The following JAKMIP1 variants were observed in gnomAD, a reference collection of about 807,000 sequenced individuals.
JAKMIP1 encodes janus kinase and microtubule interacting protein 1.
In JAKMIP1, 33 loss-of-function variants were observed where a neutral mutation model predicts 113.0. That is an observed-to-expected ratio of 0.29 (90% CI 0.22 to 0.39). JAKMIP1 has a LOEUF of 0.39. Ranked by LOEUF, JAKMIP1 falls within the 10% of genes least tolerant of loss-of-function variation. The pLI is 1.00. For synonymous variants in JAKMIP1, 480 were observed against 459.9 expected (o/e 1.04, Z -0.56); for missense variants, 813 against 1,080.5 (o/e 0.75, Z 3.47).
rs570283889 is a variant in JAKMIP1, at chr4:6,105,544, C to A, written c.553G>T (p.Ala185Ser). The A allele has an allele frequency of 3.7e-6, 6 of 1,606,204 alleles. No individual in the cohort carries two copies. The East Asian group carries it at 1.3e-4, about 36-fold the overall frequency. The change falls in exon 3 of 21, where the codon GCC (alanine) becomes TCC (serine). Residue 185 changes from alanine to serine, a missense_variant. Transcript: ENST00000409021. ...TCGTCTTGGTGCGCCTGGTAGGCGG[C>A]ACGCAGGTCGGCTGCCTTGGTCTTG... ...ADKTKAADLR[A>S]AYQAHQDEVH...
rs904469758 is a variant in JAKMIP1, at chr4:6,108,901, T to C, written c.130-2934A>G. On this transcript the variant is annotated intron_variant, in intron 2 of 20. Transcript: ENST00000409021. This position sits in a 1 kb window ranked among gnomAD's most constrained non-coding sequence, Gnocchi z 5.6. Reference sequence around the variant, plus strand: ...GATATAGATGTCATATATGGAAATATTTACAGGTATGCGTACATACGCAGG... The same window carrying C: ...GATATAGATGTCATATATGGAAATACTTACAGGTATGCGTACATACGCAGG... 3.9e-5 allele frequency among the ~76,000 whole-genome samples: 6 copies of C among 152,236 alleles called. No homozygotes were observed. The highest frequency in any genetic ancestry group is 1.3e-4 in the Admixed American group (2 of 15,288).
chr4:6,150,844 G>A lies in JAKMIP1; in HGVS notation c.-147-37847C>T, dbSNP rs1412677080. ...CAAGCTCCTCCACTTGAGCAAGACA[G>A]TAATAATGTCTGCCACCGGAAGACA... On this transcript the variant is annotated intron_variant, in intron 1 of 20. Transcript: ENST00000409021. This position sits in a 1 kb window ranked among gnomAD's most constrained non-coding sequence, Gnocchi z 4.8. Among the ~76,000 whole-genome samples the A allele has an allele frequency of 6.6e-6, 1 of 152,198 alleles. No individual in the cohort carries two copies. The highest frequency in any genetic ancestry group is 1.5e-5 in the Non-Finnish European group (1 of 68,040).
At chr4:6,164,959 G>T (rs953459574) in intron 1 of JAKMIP1, among the ~76,000 whole-genome samples, 2 of 152,198 alleles carry the variant, frequency 1.3e-5, no homozygotes, top group African/African-American at 2.4e-5. Flanking sequence ...TGACAGCAAA[G>T]AATTTAAAGT....
At chr4:6,079,772 T>C (rs1326799470) in intron 7 of JAKMIP1, among the ~76,000 whole-genome samples, 1 of 152,148 alleles carries the variant, frequency 6.6e-6, no homozygotes, top group Non-Finnish European at 1.5e-5. Context: ...GGGCCTAAAC[T>C]CACAGTCTGC....
chr4:6,125,851 C>CCATACACA, intron 1 of JAKMIP1, among the ~76,000 whole-genome samples: 1 of 30,654 alleles, frequency 3.3e-5, no homozygotes, highest in Non-Finnish European at 5.3e-5. Context: ...ACACACACCC[C>CCATACACA]CCATACAGAA....
At chr4:6,063,186 C>T (rs968819018) in intron 9 of JAKMIP1, among the ~76,000 whole-genome samples, 3 of 151,962 alleles carry the variant, frequency 2.0e-5, no homozygotes, top group Non-Finnish European at 4.4e-5. Flanking sequence ...GACACAAATA[C>T]GAAGGAGCTC....
At chr4:6,110,597 A>T (rs1174086559) in intron 2 of JAKMIP1, among the ~76,000 whole-genome samples, 1 of 146,330 alleles carries the variant, frequency 6.8e-6, no homozygotes, top group Non-Finnish European at 1.5e-5. Context: ...TCTGCACAGT[A>T]GGCATGTAAA....
chr4:6,087,358 C>T (rs960340521), intron 3 of JAKMIP1, among the ~76,000 whole-genome samples: 2 of 151,952 alleles, frequency 1.3e-5, no homozygotes, highest in African/African-American at 2.4e-5. Flanking sequence ...GACTTTAGAA[C>T]CAACTCTGTC....
At position 6,089,886 on chromosome 4, in the gene JAKMIP1, C is replaced by G. The variant is rs1721800587; in HGVS notation, c.625-4257G>C. On this transcript the variant is annotated intron_variant, in intron 3 of 20. Coordinates refer to ENST00000409021, the MANE Select transcript of JAKMIP1 (RefSeq NM_001099433.2). This position sits in a 1 kb window ranked among gnomAD's most constrained non-coding sequence, Gnocchi z 5.3. Reference sequence around the variant, plus strand: ...GGCCTTTGCAGATGAAATGAAGATGCAAATTAAGATGAGGTTATACCACGT... The same window carrying G: ...GGCCTTTGCAGATGAAATGAAGATGGAAATTAAGATGAGGTTATACCACGT... Among the ~76,000 whole-genome samples the G allele has an allele frequency of 1.3e-5, 2 of 152,104 alleles. No homozygotes were observed. Among genetic ancestry groups the G allele is most frequent in the African/African-American group, 4.8e-5 (2 of 41,404 alleles).
Position 6,064,952 on chromosome 4 carries a change from C to A in JAKMIP1, c.1359G>T (p.Thr453=). The A allele has an allele frequency of 6.2e-7, 1 of 1,614,146 alleles. No homozygotes were observed. Among genetic ancestry groups the A allele is most frequent in the Non-Finnish European group, 8.5e-7 (1 of 1,180,028 alleles). The change falls in exon 9 of 21, where the codon ACG becomes ACT. Residue 453 remains threonine (T), a synonymous_variant. Coordinates refer to ENST00000409021, the MANE Select transcript of JAKMIP1 (RefSeq NM_001099433.2). The surrounding 1 kb of genome is among the most constrained non-coding windows in gnomAD (Gnocchi z 4.3). ...CTGTGTTGTAGGATGTTTCGGACAA[C>A]GTTTCTGAGTCCACAGACTCCTCAT... The part of the protein sequence containing the change: ...GFDEESVDSE[T]LSETSYNTDR...
rs1020796405 is a variant in JAKMIP1, at chr4:6,139,191, T to C, written c.-147-26194A>G. Among the ~76,000 whole-genome samples the C allele has an allele frequency of 5.3e-5, 7 of 132,598 alleles. No individual in the cohort carries two copies. The highest frequency in any genetic ancestry group is 1.0e-4 in the Non-Finnish European group (6 of 58,772). 87.0% of individuals were successfully genotyped at this position (132,598 alleles called of 152,430 possible). A position where few individuals can be genotyped will look rare whatever the true frequency, so the allele number is the denominator to read the frequency against. ...GAATTTTAACCTGCTTTGGGAGGGT[T>C]CCCATGGGCTCCAGAAACTTTCACT... On this transcript the variant is annotated intron_variant, in intron 1 of 20. Coordinates refer to ENST00000409021, the MANE Select transcript of JAKMIP1 (RefSeq NM_001099433.2). This position sits in a 1 kb window ranked among gnomAD's most constrained non-coding sequence, Gnocchi z 5.2.
chr4:6,081,147 C>T lies in JAKMIP1; in HGVS notation c.1101+462G>A, dbSNP rs746377988. Among the ~76,000 whole-genome samples the T allele has an allele frequency of 1.1e-4, 17 of 152,178 alleles. No homozygotes were observed. Among genetic ancestry groups the T allele is most frequent in the Admixed American group, 5.2e-4 (8 of 15,282 alleles). On this transcript the variant is annotated intron_variant, in intron 6 of 20. Coordinates refer to ENST00000409021, the MANE Select transcript of JAKMIP1 (RefSeq NM_001099433.2). This position sits in a 1 kb window ranked among gnomAD's most constrained non-coding sequence, Gnocchi z 4.6. ...ATTCTGTAAACTGTCAACTACAAGA[C>T]GCCTGCCCTGACCACAAACACCAGG... is the stretch of plus-strand genomic sequence containing the variant.
chr4:6,135,504 C>T lies in JAKMIP1; in HGVS notation c.-147-22507G>A, dbSNP rs1719102147. On this transcript the variant is annotated intron_variant, in intron 1 of 20. Transcript: ENST00000409021. This position sits in a 1 kb window ranked among gnomAD's most constrained non-coding sequence, Gnocchi z 4.9. ...AGTCCATCATGGCAGCCCCTGAAGA[C>T]TGATACAGAGATGCTCCTTGAGCTG... 6.6e-6 allele frequency among the ~76,000 whole-genome samples: 1 copy of T among 152,168 alleles called. No homozygotes were observed. The highest frequency in any genetic ancestry group is 2.4e-5 in the African/African-American group (1 of 41,428).
At chr4:6,147,340 C>T (rs896746717) in intron 1 of JAKMIP1, among the ~76,000 whole-genome samples, 2 of 152,092 alleles carry the variant, frequency 1.3e-5, no homozygotes, top group African/African-American at 4.8e-5. Flanking sequence ...AGGCACACAT[C>T]AGTAAGTAAC....
chr4:6,054,255 G>A (rs1038818293), intron 12 of JAKMIP1, 107 bp from the exon 13 acceptor site: 6 of 1,059,958 alleles, frequency 5.7e-6, no homozygotes, highest in Non-Finnish European at 7.1e-6. Flanking sequence ...GACTGGCCAC[G>A]GAGGCAAGGG....
chr4:6,137,985 G>T lies in JAKMIP1; in HGVS notation c.-147-24988C>A, dbSNP rs1719500391. 6.6e-6 allele frequency among the ~76,000 whole-genome samples: 1 copy of T among 152,204 alleles called. No individual in the cohort carries two copies. The highest frequency in any genetic ancestry group is 1.5e-5 in the Non-Finnish European group (1 of 68,046). ...TGCAGCTGAGGCTGTAACCAGCTCT[G>T]GGACAGTGGCTCCCAATGCCCCAGC... On this transcript the variant is annotated intron_variant, in intron 1 of 20. Coordinates refer to ENST00000409021, the MANE Select transcript of JAKMIP1 (RefSeq NM_001099433.2). The surrounding 1 kb of genome is among the most constrained non-coding windows in gnomAD (Gnocchi z 4.5).
At chr4:6,092,487 G>A (rs1404235429) in intron 3 of JAKMIP1, among the ~76,000 whole-genome samples, 2 of 152,216 alleles carry the variant, frequency 1.3e-5, no homozygotes, top group Admixed American at 6.5e-5. Context: ...GGAATGCACG[G>A]GGCTTGGCAG....
intron 1 of JAKMIP1, among the ~76,000 whole-genome samples, chr4:6,169,988 C>CCACCACCCT (rs1724177845): frequency 1.1e-5 from 1 of 90,388 alleles, no homozygotes; most frequent in Non-Finnish European, 2.3e-5. Flanking sequence ...ACTACCACCA[C>CCACCACCCT]CACCACCACC....
At chr4:6,058,694 C>G (rs1034680995) in intron 11 of JAKMIP1, among the ~76,000 whole-genome samples, 3 of 152,224 alleles carry the variant, frequency 2.0e-5, no homozygotes, top group Admixed American at 6.5e-5. Context: ...TCAATGTGCT[C>G]TCGTGGCAGG....
Sources: allele counts gnomAD v4.1 joint callset (sites outside exome capture counted in the v4.1 genomes callset), GRCh38; gene constraint gnomAD v4.1.1; non-coding constraint Gnocchi (gnomAD v3.1); transcripts MANE v1.5; gene names NCBI Gene and HGNC (gene_info 2026-07-23, HGNC 2026-07-21).